R3HDM1: variants seen among roughly 807,000 people sequenced by gnomAD.
R3HDM1 encodes R3H domain containing 1, also known as R3H domain-containing protein 1.
A neutral mutation model predicts 141.1 loss-of-function variants in R3HDM1; 46 were observed. The observed-to-expected ratio is 0.33, with a 90% CI of 0.26 to 0.42. The LOEUF is 0.42. R3HDM1 is among the 10% of genes least tolerant of loss of function. The pLI is 1.00. For missense variants in R3HDM1, 1,184 were observed against 1,368.3 expected, an observed-to-expected ratio of 0.87 and a Z score of 2.12; for synonymous variants, 435 against 472.9, an observed-to-expected ratio of 0.92 and a Z score of 1.04.
At chr2:135,673,842 TTTTG>T (rs1185399336) in intron 19 of R3HDM1, among the ~76,000 whole-genome samples, 3 of 152,222 alleles carry the variant, frequency 2.0e-5, no homozygotes, top group East Asian at 1.9e-4. Context: ...GTTTTTGGTT[TTTTG>T]TTTGGTTGGT....
In R3HDM1 at chr2:135,559,092, T is replaced by TGCGCGCATGCGTGTGTGC. The variant is rs1553526556; in HGVS notation, c.-250+27461_-250+27462insGCGCATGCGTGTGTGCGC. 12 of 826,770 alleles carry TGCGCGCATGCGTGTGTGC rather than the reference T, an allele frequency of 1.5e-5. No homozygotes were observed. In the African/African-American group the frequency reaches 2.1e-4, roughly 15 times the overall value. The allele number at this position is 826,770 out of a possible 1,614,324, so 51.2% of individuals were successfully genotyped here. ...GTGTGTGTGTGTGTGTGTGTGTGTG[T>TGCGCGCATGCGTGTGTGC]GCATGCGTGTGTGTGTGTGGTTTTG... On this transcript the variant is annotated intron_variant, in intron 1 of 26. Coordinates refer to ENST00000683871, the MANE Select transcript of R3HDM1 (RefSeq NM_001378107.1).
At chr2:135,561,792 G>T (rs1429100487) in intron 1 of R3HDM1, among the ~76,000 whole-genome samples, 5 of 151,902 alleles carry the variant, frequency 3.3e-5, no homozygotes, top group Admixed American at 1.3e-4. Flanking sequence ...TTTAACTTTA[G>T]AAAAATTAAC....
intron 14 of R3HDM1, among the ~76,000 whole-genome samples, 169 bp from the exon 15 acceptor site, chr2:135,641,367 C>T (rs1232555525): frequency 6.6e-6 from 1 of 152,130 alleles, no homozygotes; most frequent in Non-Finnish European, 1.5e-5. Context: ...CTGTATTAAA[C>T]TTGTTCGTTA....
At position 135,621,578 on chromosome 2, in the gene R3HDM1, G is replaced by A; in HGVS notation, c.388G>A (p.Asp130Asn). The part of the protein sequence containing the change: ...KDEAEKEKAS[D>N]KLPRKMLSRD... ...TGAAGCAGAAAAAGAAAAGGCCAGT[G>A]ATAAGTTGCCCAGAAAAATGTTATC... Residue 130 changes from aspartate to asparagine, a missense_variant, in exon 6 of 27, where the codon GAT becomes AAT. Physicochemically the swap from Asp to Asn is conservative, Grantham distance 23. Transcript: ENST00000683871. 1 of 1,596,134 alleles carries A rather than the reference G, an allele frequency of 6.3e-7. No homozygotes were observed. Among genetic ancestry groups the A allele is most frequent in the Non-Finnish European group, 8.5e-7 (1 of 1,171,552 alleles).
chr2:135,647,211 C>A (rs151058743), intron 16 of R3HDM1, among the ~76,000 whole-genome samples: 3 of 152,202 alleles, frequency 2.0e-5, no homozygotes, highest in Admixed American at 6.5e-5. Context: ...TGGTTACATA[C>A]AATGAGCTCG....
intron 1 of R3HDM1, among the ~76,000 whole-genome samples, chr2:135,545,639 A>G (rs1040535366): frequency 2.0e-5 from 3 of 152,222 alleles, no homozygotes; most frequent in Admixed American, 2.0e-4. Context: ...ATTAAAATAA[A>G]AAGTACATAA....
At chr2:135,614,866 A>G (rs1214413582) in intron 3 of R3HDM1, among the ~76,000 whole-genome samples, 1 of 151,440 alleles carries the variant, frequency 6.6e-6, no homozygotes, top group African/African-American at 2.4e-5. Context: ...CCTAGACTAG[A>G]TGGTAGTACA....
chr2:135,560,398 C>T (rs560767494), intron 1 of R3HDM1, among the ~76,000 whole-genome samples: 3 of 152,278 alleles, frequency 2.0e-5, no homozygotes, highest in East Asian at 1.9e-4. Flanking sequence ...TCACTGCAAA[C>T]GGCCTCCCAG....
chr2:135,652,872 T>C (rs1470999060), intron 18 of R3HDM1, among the ~76,000 whole-genome samples: 2 of 152,206 alleles, frequency 1.3e-5, no homozygotes, highest in African/African-American at 2.4e-5. Context: ...TTTCATACTT[T>C]GTTTCCGTTT....
At chr2:135,650,344 A>G (rs1056858814) in intron 17 of R3HDM1, 1 of 985,172 alleles carries the variant, frequency 1.0e-6, no homozygotes, top group Non-Finnish European at 1.2e-6. Context: ...ATCTGGGTTT[A>G]GGCATTCTAT....
In R3HDM1 at chr2:135,709,548, T is replaced by C; in HGVS notation, c.2563+12T>C. ...CCACCAATGTACAGGTATAAAGAAA[T>C]CAGTGAAAATAAGATGATTGGTTCA... On this transcript the variant is annotated intron_variant, in intron 22 of 26. Transcript: ENST00000683871. The C allele has an allele frequency of 8.7e-6, 14 of 1,612,492 alleles. No homozygotes were observed. Among genetic ancestry groups the C allele is most frequent in the Non-Finnish European group, 1.2e-5 (14 of 1,179,162 alleles).
chr2:135,695,433 A>G (rs2073095679), intron 21 of R3HDM1, among the ~76,000 whole-genome samples: 1 of 152,232 alleles, frequency 6.6e-6, no homozygotes, highest in East Asian at 1.9e-4. Flanking sequence ...TTCATGTGTA[A>G]CAGGCATCCT....
At chr2:135,705,465 C>G (rs1010868357) in intron 21 of R3HDM1, among the ~76,000 whole-genome samples, 4 of 152,120 alleles carry the variant, frequency 2.6e-5, no homozygotes, top group African/African-American at 9.7e-5. Context: ...GTGAATATAT[C>G]TTAATATCAA....
chr2:135,722,017 C>T lies in R3HDM1; in HGVS notation c.2964+11C>T, dbSNP rs745771017. On this transcript the variant is annotated intron_variant, in intron 25 of 26. Transcript: ENST00000683871. ...ATTCCAAACCAACAGGTAGGAAAGA[C>T]AACTAACCTCCTAGGCTTTGTTGCA... 1 of 1,603,788 alleles carries T rather than the reference C, an allele frequency of 6.2e-7. No individual in the cohort carries two copies. The highest frequency in any genetic ancestry group is 1.7e-5 in the Admixed American group (1 of 59,996).
At chr2:135,672,275 C>G (rs553427475) in intron 19 of R3HDM1, among the ~76,000 whole-genome samples, 175 of 152,200 alleles carry the variant, frequency 1.1e-3, no homozygotes, top group African/African-American at 3.9e-3. Flanking sequence ...CCTGGTAGTT[C>G]TTATCACTCT....
chr2:135,637,301 A>G (rs1355231767), intron 11 of R3HDM1, among the ~76,000 whole-genome samples: 3 of 152,104 alleles, frequency 2.0e-5, no homozygotes, highest in African/African-American at 7.2e-5. Flanking sequence ...CCAAGTCGAG[A>G]GTCAGTATGT....
intron 7 of R3HDM1, 117 bp from the exon 8 acceptor site, chr2:135,631,601 T>C: frequency 1.4e-6 from 1 of 692,608 alleles, no homozygotes; most frequent in Non-Finnish European, 2.3e-6. Flanking sequence ...ATTGGGGTAA[T>C]ACTGAATGTA....
At chr2:135,705,510 C>T (rs971717755) in intron 21 of R3HDM1, among the ~76,000 whole-genome samples, 1 of 152,028 alleles carries the variant, frequency 6.6e-6, no homozygotes, top group Non-Finnish European at 1.5e-5. Context: ...CAGTGGTGGG[C>T]GCTTGTAGTT....
intron 1 of R3HDM1, among the ~76,000 whole-genome samples, chr2:135,571,873 G>A (rs1454338753): frequency 2.6e-5 from 4 of 152,164 alleles, no homozygotes; most frequent in East Asian, 1.9e-4. Context: ...CGATCTACCC[G>A]CCTTGGCTTC....
Sources: allele counts gnomAD v4.1 joint callset (sites outside exome capture counted in the v4.1 genomes callset), GRCh38; gene constraint gnomAD v4.1.1; transcripts MANE v1.5; gene names NCBI Gene and HGNC (gene_info 2026-07-23, HGNC 2026-07-21).